The following NOS2 variants were observed in gnomAD, a reference collection of about 807,000 sequenced individuals.
The protein encoded by NOS2 is nitric oxide synthase 2, also known as nitric oxide synthase, inducible.
NOS2 carries 96 observed loss-of-function variants against 136.0 expected under a neutral mutation model. That is an observed-to-expected ratio of 0.71 (90% CI 0.60 to 0.84). NOS2 has a LOEUF of 0.84. NOS2 is among the 40% of genes least tolerant of loss of function. The probability of loss-of-function intolerance (pLI) is 0.00; values close to 1 mark genes in which losing one functional copy is unlikely to be tolerated. For synonymous variants in NOS2, 539 were observed against 587.5 expected (o/e 0.92, Z 1.20); for missense variants, 1,237 against 1,496.9 (o/e 0.83, Z 2.87).
chr17:27,768,792 AG>A (rs1490913937), intron 17 of NOS2, among the ~76,000 whole-genome samples, 184 bp downstream of exon 17: 5 of 152,176 alleles, frequency 3.3e-5, no homozygotes, highest in African/African-American at 1.2e-4. Context: ...GAGCTCTTCT[AG>A]GGGGCTGAGG....
intron 24 of NOS2, 118 bp from the exon 25 acceptor site, chr17:27,760,296 T>A: frequency 9.1e-7 from 1 of 1,104,604 alleles, no homozygotes; most frequent in Non-Finnish European, 1.3e-6. Context: ...ATCCCCACTT[T>A]ACAGATGAGG....
intron 11 of NOS2, among the ~76,000 whole-genome samples, chr17:27,778,250 A>G (rs951048710): frequency 3.3e-5 from 5 of 151,982 alleles, no homozygotes; most frequent in Non-Finnish European, 7.4e-5. Context: ...GCCAGGCTGA[A>G]GCAGTTGGGG....
intron 12 of NOS2, 41 bp from the exon 13 acceptor site, chr17:27,773,284 T>G (rs758026881): frequency 1.3e-5 from 19 of 1,464,072 alleles, no homozygotes; most frequent in Non-Finnish European, 1.8e-5. Context: ...GGCGGGGTCC[T>G]GGCTTGGCTC....
chr17:27,774,201 C>T (rs750855992), intron 12 of NOS2, 56 bp downstream of exon 12: 29 of 1,325,194 alleles, frequency 2.2e-5, no homozygotes, highest in Non-Finnish European at 2.8e-5. Flanking sequence ...CACACACACA[C>T]ACACATACAG....
intron 5 of NOS2, among the ~76,000 whole-genome samples, chr17:27,784,173 C>CACTACCAACAA (rs1555540373): frequency 1.3e-5 from 2 of 151,224 alleles, no homozygotes; most frequent in East Asian, 1.9e-4. Flanking sequence ...ACCACCACCA[C>CACTACCAACAA]CAACAACAAC....
Position 27,789,708 on chromosome 17 carries a change from G to A in NOS2, c.111-20C>T, listed in dbSNP as rs1184734264. The A allele has an allele frequency of 6.3e-7, 1 of 1,584,504 alleles. No individual in the cohort carries two copies. Among genetic ancestry groups the A allele is most frequent in the Non-Finnish European group, 8.7e-7 (1 of 1,153,250 alleles). Reference sequence around the variant, plus strand: ...ACTGGACTGTGAAAGGAAACAGCTAGCATGAGATGCGGTATCCAAGGGTGG... The same window carrying A: ...ACTGGACTGTGAAAGGAAACAGCTAACATGAGATGCGGTATCCAAGGGTGG... On this transcript the variant is annotated intron_variant, in intron 2 of 26. Transcript: ENST00000313735.
intron 2 of NOS2, chr17:27,793,695 G>T: frequency 2.5e-6 from 1 of 395,244 alleles, no homozygotes; most frequent in East Asian, 3.6e-5. Context: ...CCTCGCGCAT[G>T]GCCCGGCTCC....
chr17:27,770,788 C>A, intron 15 of NOS2, 125 bp downstream of exon 15: 1 of 635,016 alleles, frequency 1.6e-6, no homozygotes. Context: ...ACCTGAGTGA[C>A]CCGGAGTGGC....
rs766602194 is a variant in NOS2 at position 27,787,712 on chromosome 17, C to T, written c.433G>A (p.Glu145Lys). 3 of 1,613,442 alleles carry T rather than the reference C, an allele frequency of 1.9e-6. No homozygotes were observed. The highest frequency in any genetic ancestry group is 3.3e-5 in the Admixed American group (2 of 59,938). The change falls in exon 5 of 27, where the codon GAA becomes AAA. Residue 145 changes from glutamate (E) to lysine (K), a missense_variant. Physicochemically the swap from Glu to Lys is moderately conservative, Grantham distance 56. Transcript: ENST00000313735. ...PPDELLPQAI[E>K]FVNQYYGSFK... is the part of the protein sequence containing the mutation. The stretch of plus-strand genomic sequence containing the variant: ...GAGCCGTAATATTGGTTGACAAATT[C>T]GATAGCTTGAGGTAGAAGCTCATCT...
chr17:27,767,568 GGCTCTT>G (rs1442242378), intron 18 of NOS2, 131 bp downstream of exon 18: 4 of 1,000,688 alleles, frequency 4.0e-6, no homozygotes, highest in Non-Finnish European at 4.3e-6. Flanking sequence ...TGCCCTAACA[GGCTCTT>G]GCATGCAGTG....
rs114531317 is a variant in NOS2 at position 27,768,211 on chromosome 17, C to T, written c.2035-374G>A. Among the ~76,000 whole-genome samples the T allele has an allele frequency of 9.4e-4, 143 of 151,906 alleles. 1 individual carries two copies. Among genetic ancestry groups the T allele is most frequent in the African/African-American group, 3.1e-3 (129 of 41,400 alleles). ...AGACTACAGGTACGCACAACCAAGC[C>T]CAGCCAATTTTCTGTATTTTCGGTA... On this transcript the variant is annotated intron_variant, in intron 17 of 26. Coordinates refer to ENST00000313735, the MANE Select transcript of NOS2 (RefSeq NM_000625.4).
chr17:27,769,177 C>T, intron 16 of NOS2, 26 bp from the exon 17 acceptor site: 1 of 1,583,994 alleles, frequency 6.3e-7, no homozygotes, highest in Non-Finnish European at 8.6e-7. Flanking sequence ...CACAGAGACA[C>T]ATGTCCCATG....
In NOS2 at chr17:27,762,953, A is replaced by T; in HGVS notation, c.2645T>A (p.Val882Glu). The stretch of plus-strand genomic sequence containing the variant: ...CCGCAGGGACGGGAACTCCTCTAGC[A>T]CCTCCAGGAATGTGGGGCTGTTGGT... ...KFTNSPTFLE[V>E]LEEFPSLRVS... Residue 882 changes from valine to glutamate, a missense_variant, in exon 22 of 27, where the codon GTG becomes GAG. Physicochemically the swap from Val to Glu is moderately radical, Grantham distance 121. Transcript: ENST00000313735. The T allele has an allele frequency of 6.2e-7, 1 of 1,606,060 alleles. No individual in the cohort carries two copies. The highest frequency in any genetic ancestry group is 1.1e-5 in the South Asian group (1 of 89,128).
rs1432742511 is a variant in NOS2, at chr17:27,762,894, T to C, written c.2704A>G (p.Ile902Val). The C allele has an allele frequency of 2.5e-6, 4 of 1,598,614 alleles. No homozygotes were observed. In the South Asian group the frequency reaches 4.6e-5, roughly 18 times the overall value. Residue 902 changes from isoleucine (I) to valine (V), a missense_variant, in exon 22 of 27, where the codon ATT (isoleucine) becomes GTT (valine). This residue lies in a region of NOS2 where 782 missense variants were observed against 909.9 expected (regional missense o/e 0.86). Transcript: ENST00000313735. Reference protein sequence around the residue: ...SAGFLLSQLPILKPRFYSISS... With the variant: ...SAGFLLSQLPVLKPRFYSISS... ...ATGGAGTAGAACCTGGGCTTCAGAA[T>C]GGGGAGCTGGGAAAGCAGGAAGCCA...
intron 18 of NOS2, among the ~76,000 whole-genome samples, chr17:27,767,399 C>T (rs1908339924): frequency 6.6e-6 from 1 of 152,198 alleles, no homozygotes; most frequent in Non-Finnish European, 1.5e-5. Flanking sequence ...GTGCCTTTCT[C>T]CCAGGAGGAG....
At chr17:27,761,807 T>C (rs1389652799) in intron 22 of NOS2, among the ~76,000 whole-genome samples, 7 of 152,234 alleles carry the variant, frequency 4.6e-5, no homozygotes, top group African/African-American at 1.4e-4. Context: ...TTGTGTTCCC[T>C]TTACAATGGC....
At chr17:27,777,110 C>T (rs1416426268) in intron 11 of NOS2, among the ~76,000 whole-genome samples, 1 of 152,206 alleles carries the variant, frequency 6.6e-6, no homozygotes, top group African/African-American at 2.4e-5. Flanking sequence ...CTTCCTGTTC[C>T]ATCTTCCCCT....
intron 11 of NOS2, among the ~76,000 whole-genome samples, chr17:27,778,348 T>TG (rs1908727006): frequency 6.6e-6 from 1 of 152,132 alleles, no homozygotes. Context: ...GCCTGAGGTT[T>TG]GGCAGGAGTT....
chr17:27,787,625 G>A, intron 5 of NOS2, 53 bp downstream of exon 5: 1 of 1,359,564 alleles, frequency 7.4e-7, no homozygotes. Context: ...GGTAGAGACA[G>A]GAGAGCAGGA....
Sources: gnomAD v4.1 joint callset for allele counts (sites outside exome capture counted in the v4.1 genomes callset) on GRCh38, gnomAD v4.1.1 for gene constraint, gnomAD v4.1.1 regional missense constraint, MANE v1.5 for transcripts, NCBI Gene and HGNC (gene_info 2026-07-23, HGNC 2026-07-21) for gene names.